DMD: variants seen among roughly 807,000 people sequenced by gnomAD.
DMD encodes the protein mutant dystrophin.
A neutral mutation model predicts 330.1 loss-of-function variants in DMD; 63 were observed. The ratio of observed to expected loss-of-function variants is 0.19; its 90% CI spans 0.16 to 0.24. DMD has a LOEUF of 0.24. Ranked by LOEUF, DMD falls within the 10% of genes least tolerant of loss-of-function variation. The probability of loss-of-function intolerance (pLI) is 1.00; values close to 1 mark genes in which losing one functional copy is unlikely to be tolerated. For synonymous variants in DMD, 1,223 were observed against 959.8 expected (o/e 1.27, Z -5.07); for missense variants, 3,344 against 2,684.1 (o/e 1.25, Z -5.43).
At chrX:33,096,037 C>T (rs1158682856) in intron 1 of DMD, among the ~76,000 whole-genome samples, 2 of 83,706 alleles carry the variant, frequency 2.4e-5, no homozygotes, top group South Asian at 7.4e-4. Flanking sequence ...TGCAGTGGTG[C>T]GATCTCGGCT....
chrX:32,836,548 T>A (rs2079649991), intron 4 of DMD, among the ~76,000 whole-genome samples: 1 of 111,415 alleles, frequency 9.0e-6, no homozygotes, highest in African/African-American at 3.3e-5. Context: ...TTTCTTTATC[T>A]TTAGTTCCTG....
intron 2 of DMD, among the ~76,000 whole-genome samples, chrX:32,925,647 A>T (rs948813101): frequency 8.9e-6 from 1 of 112,070 alleles, no homozygotes; most frequent in African/African-American, 3.2e-5. Flanking sequence ...TTTGAGGGAA[A>T]TAGTATGTAA....
intron 54 of DMD, among the ~76,000 whole-genome samples, chrX:31,655,583 G>T (rs2080734722): frequency 9.0e-6 from 1 of 111,282 alleles, no homozygotes; most frequent in South Asian, 3.8e-4. Flanking sequence ...AATTGCCATT[G>T]CAACAGTAGT....
At chrX:32,310,442 A>G (rs772570821) in intron 41 of DMD, among the ~76,000 whole-genome samples, 166 bp from the exon 42 acceptor site, 1 of 111,053 alleles carries the variant, frequency 9.0e-6, no homozygotes, top group Non-Finnish European at 1.9e-5. Flanking sequence ...ACGGTGATTT[A>G]TTAATTATAT....
intron 2 of DMD, among the ~76,000 whole-genome samples, chrX:32,950,543 C>A (rs2091184293): frequency 9.0e-6 from 1 of 110,861 alleles, no homozygotes; most frequent in Non-Finnish European, 1.9e-5. Context: ...AAGCACAATT[C>A]GGGAACACCA....
intron 44 of DMD, among the ~76,000 whole-genome samples, chrX:32,184,865 A>T (rs1296218571): frequency 1.1e-5 from 1 of 90,960 alleles, no homozygotes. Context: ...CAGGCAATTC[A>T]GTTTTCAGGA....
At chrX:32,615,043 G>T (rs1378785115) in intron 11 of DMD, among the ~76,000 whole-genome samples, 1 of 111,260 alleles carries the variant, frequency 9.0e-6, no homozygotes, top group East Asian at 2.8e-4. Context: ...CCATATAGGA[G>T]TGATTCTGCA....
At chrX:32,368,992 T>C (rs192645728) in intron 34 of DMD, among the ~76,000 whole-genome samples, 325 of 111,627 alleles carry the variant, frequency 2.9e-3, no homozygotes, top group African/African-American at 9.1e-3. Context: ...TATGACATGA[T>C]TGTAAGTCCA....
intron 16 of DMD, among the ~76,000 whole-genome samples, chrX:32,563,045 A>T (rs1402440999): frequency 9.0e-6 from 1 of 111,445 alleles, no homozygotes; most frequent in Non-Finnish European, 1.9e-5. Flanking sequence ...AAATAAAATT[A>T]AAAGGAGATA....
intron 9 of DMD, among the ~76,000 whole-genome samples, chrX:32,651,995 C>G (rs1486290852): frequency 9.0e-6 from 1 of 111,487 alleles, no homozygotes; most frequent in African/African-American, 3.3e-5. Context: ...TGCAGAACCA[C>G]TCACAGAAAT....
At position 31,294,670 on chromosome X, in the gene DMD, T is replaced by A. The variant is rs185435483; in HGVS notation, c.9224+28928A>T. Among the ~76,000 whole-genome samples the A allele has an allele frequency of 7.3e-4, 82 of 112,308 alleles. 1 individual carries two copies. Among genetic ancestry groups the A allele is most frequent in the Non-Finnish European group, 2.8e-4 (15 of 53,295 alleles). On this transcript the variant is annotated intron_variant, in intron 62 of 78. Coordinates refer to ENST00000357033, the MANE Select transcript of DMD (RefSeq NM_004006.3). The stretch of plus-strand genomic sequence containing the variant: ...CTGACTGAATACTGATGACCCGTTA[T>A]AGAGGTGTGCTTTCAGAGATAAGTT...
chrX:32,831,833 T>G (rs1392311574), intron 4 of DMD, among the ~76,000 whole-genome samples: 2 of 110,873 alleles, frequency 1.8e-5, no homozygotes, highest in Non-Finnish European at 3.8e-5. Context: ...GTGTATCATT[T>G]AAGCATTTGC....
At chrX:31,459,527 G>A (rs1341336703) in intron 59 of DMD, among the ~76,000 whole-genome samples, 1 of 112,156 alleles carries the variant, frequency 8.9e-6, no homozygotes, top group Non-Finnish European at 1.9e-5. Context: ...ATATTTGATA[G>A]GGAAAAGTTC....
chrX:32,520,438 GTCTC>G (rs1390455610), intron 17 of DMD, among the ~76,000 whole-genome samples: 13 of 111,596 alleles, frequency 1.2e-4, no homozygotes, highest in African/African-American at 1.6e-4. Context: ...AATTTCCTGT[GTCTC>G]TCTATCTGCA....
At chrX:32,038,223 C>A (rs754822717) in intron 44 of DMD, among the ~76,000 whole-genome samples, 2 of 111,546 alleles carry the variant, frequency 1.8e-5, no homozygotes, top group Admixed American at 1.9e-4. Flanking sequence ...GACATTAAGA[C>A]GGATCTATCG....
At chrX:31,295,574 C>G (rs1397473780) in intron 62 of DMD, among the ~76,000 whole-genome samples, 1 of 111,330 alleles carries the variant, frequency 9.0e-6, no homozygotes, top group African/African-American at 3.3e-5. Context: ...CTATGAACGC[C>G]TGGCTAATGT....
At chrX:31,927,591 G>A (rs2149977405) in intron 47 of DMD, among the ~76,000 whole-genome samples, 1 of 110,224 alleles carries the variant, frequency 9.1e-6, no homozygotes, top group Non-Finnish European at 1.9e-5. Flanking sequence ...ATAAAAGTCT[G>A]TATCTTTACA....
intron 44 of DMD, among the ~76,000 whole-genome samples, chrX:32,135,356 G>C: frequency 8.9e-6 from 1 of 112,480 alleles, no homozygotes; most frequent in Admixed American, 9.4e-5. Context: ...TTCATGCTTT[G>C]GAAGAATAAA....
Position 32,527,823 on chromosome X carries a change from C to A in DMD, c.2169-9692G>T, listed in dbSNP as rs1192362965. On this transcript the variant is annotated intron_variant, in intron 17 of 78. Transcript: ENST00000357033. The stretch of plus-strand genomic sequence containing the variant: ...AATATTTAGATAAATAGTTCCCTCT[C>A]CAAATCAAGATAGTTTGTATACACA... Among the ~76,000 whole-genome samples, 9 of 110,891 alleles carry A rather than the reference C, an allele frequency of 8.1e-5. No homozygotes were observed. The Admixed American group carries it at 8.7e-4, about 11-fold the overall frequency.
Sources: allele counts gnomAD v4.1 joint callset (sites outside exome capture counted in the v4.1 genomes callset), GRCh38; gene constraint gnomAD v4.1.1; transcripts MANE v1.5; gene names NCBI Gene and HGNC (gene_info 2026-07-23, HGNC 2026-07-21).